Variants in COL6A6 observed in about 807,000 individuals in gnomAD.
COL6A6 encodes collagen type VI alpha 6 chain.
In COL6A6, 183 loss-of-function variants were observed where a neutral mutation model predicts 208.6. That is an observed-to-expected ratio of 0.88 (90% CI 0.78 to 0.99). The LOEUF is 0.99. Ranked by LOEUF, COL6A6 falls within the 50% of genes least tolerant of loss-of-function variation. The pLI is 0.00. For synonymous variants in COL6A6, 973 were observed against 1,011.8 expected, an observed-to-expected ratio of 0.96 and a Z score of 0.73; for missense variants, 2,816 against 2,815.2, an observed-to-expected ratio of 1.00 and a Z score of -0.01.
chr3:130,604,333 A>G (rs1184826540), intron 20 of COL6A6, among the ~76,000 whole-genome samples: 2 of 152,012 alleles, frequency 1.3e-5, no homozygotes, highest in African/African-American at 4.8e-5. Flanking sequence ...CTCTACTAAA[A>G]ATACAAAAAA....
At chr3:130,546,645 G>A (rs112792972) in intron 1 of COL6A6, among the ~76,000 whole-genome samples, 1,891 of 152,308 alleles carry the variant, frequency 0.012, 30 homozygotes, top group African/African-American at 0.043. Context: ...ACAGGGTGCT[G>A]ATTGGTGCAT....
Position 130,610,687 on chromosome 3 carries a change from A to T in COL6A6, c.4791A>T (p.Gly1597=). 6.3e-7 allele frequency: 1 copy of T among 1,591,352 alleles called. No homozygotes were observed. Among genetic ancestry groups the T allele is most frequent in the Non-Finnish European group, 8.6e-7 (1 of 1,168,134 alleles). Reference sequence around the variant, plus strand: ...AGGCTGGTGTGAAAGGAGAAAAAGGAGGTGTGGGAAGTAAAGGTCCCCAGG... The same window carrying T: ...AGGCTGGTGTGAAAGGAGAAAAAGGTGGTGTGGGAAGTAAAGGTCCCCAGG... ...RGEAGVKGEK[G]GVGSKGPQGP... Residue 1597 remains glycine, a synonymous_variant, in exon 23 of 37, where the codon GGA becomes GGT. Transcript: ENST00000358511.
Position 130,574,145 on chromosome 3 carries a change from C to G in COL6A6, c.3167C>G (p.Thr1056Ser), listed in dbSNP as rs2063236494. 2 of 1,613,976 alleles carry G rather than the reference C, an allele frequency of 1.2e-6. No homozygotes were observed. Residue 1056 changes from threonine to serine, a missense_variant, in exon 8 of 37, where the codon ACT (threonine) becomes AGT (serine). Transcript: ENST00000358511. ...TATCACCCGGAGTTTCCACTGGGAA[C>G]TTTCATAGGTGAAAAAGAGATATCA... ...DTYHPEFPLGTFIGEKEISFQ... is the reference protein window; with the variant it reads ...DTYHPEFPLGSFIGEKEISFQ...
At chr3:130,622,951 G>A (rs989349194) in intron 24 of COL6A6, among the ~76,000 whole-genome samples, 2 of 152,030 alleles carry the variant, frequency 1.3e-5, no homozygotes, top group African/African-American at 4.8e-5. Flanking sequence ...AGAAAAAGCG[G>A]TGTGAAGGAA....
chr3:130,563,337 C>T lies in COL6A6; in HGVS notation c.334C>T (p.Gln112Ter), dbSNP rs2062938697. 3 of 1,613,966 alleles carry T rather than the reference C, an allele frequency of 1.9e-6. No individual in the cohort carries two copies. The highest frequency in any genetic ancestry group is 4.5e-5 in the East Asian group (2 of 44,882). The change falls in exon 3 of 37, where the codon CAG becomes TAG. Residue 112 changes from glutamine to a stop codon, truncating the protein, a stop_gained. Coordinates refer to ENST00000358511, the MANE Select transcript of COL6A6 (RefSeq NM_001102608.3). LOFTEE classifies it high-confidence loss of function. ...GGSLQIGKAL[Q>*]EAHRTYFSAP... ...GTCCCTGCAGATAGGAAAGGCTCTT[C>T]AGGAGGCTCACAGGACTTATTTCTC...
At chr3:130,516,760 ACT>A (rs1018311157), upstream of COL6A6, among the ~76,000 whole-genome samples, 1 of 151,594 alleles carries the variant, frequency 6.6e-6, no homozygotes, top group Non-Finnish European at 1.5e-5. Context: ...CAACCCAAAG[ACT>A]CTCTCTGGCT....
intron 12 of COL6A6, 128 bp downstream of exon 12, chr3:130,589,310 C>G: frequency 1.7e-6 from 1 of 580,532 alleles, no homozygotes; most frequent in Non-Finnish European, 3.0e-6. Flanking sequence ...TTATTATACT[C>G]CTCTTTTTAT....
chr3:130,599,660 A>T lies in COL6A6; in HGVS notation c.4600-97A>T, dbSNP rs535167135. The T allele has an allele frequency of 9.0e-6, 11 of 1,216,480 alleles. No individual in the cohort carries two copies. In the Admixed American group the frequency reaches 1.7e-4, roughly 18 times the overall value. The allele number at this position is 1,216,480 out of a possible 1,614,324, so 75.4% of individuals were successfully genotyped here. A position where few individuals can be genotyped will look rare whatever the true frequency, so the allele number is the denominator to read the frequency against. On this transcript the variant is annotated intron_variant, in intron 19 of 36. Transcript: ENST00000358511. ...AAGGTAACTCTCTCATTGGTGTGTGAACCTATCTATCCTCCCTGGAGTAAA... is the reference window on the plus strand; with the variant it reads ...AAGGTAACTCTCTCATTGGTGTGTGTACCTATCTATCCTCCCTGGAGTAAA...
chr3:130,582,143 T>C (rs2108007176), intron 10 of COL6A6, 75 bp downstream of exon 10: 1 of 931,442 alleles, frequency 1.1e-6, no homozygotes, highest in Non-Finnish European at 1.6e-6. Flanking sequence ...GGCTCTTAAA[T>C]TTCCAGGCTC....
chr3:130,671,716 A>G (rs773453959), intron 36 of COL6A6, among the ~76,000 whole-genome samples: 58 of 152,244 alleles, frequency 3.8e-4, no homozygotes, highest in Non-Finnish European at 7.9e-4. Flanking sequence ...GAATTAGGTC[A>G]TTCTGTGAGA....
rs138419811 is a variant in COL6A6, at chr3:130,594,190, T to A, written c.4471-91T>A. On this transcript the variant is annotated intron_variant, in intron 17 of 36. Transcript: ENST00000358511. Reference sequence around the variant, plus strand: ...ATAGCCTTTGTAGAAAAATATTTAATTATTCACACCAGGGAGAAGAAAAGC... The same window carrying A: ...ATAGCCTTTGTAGAAAAATATTTAAATATTCACACCAGGGAGAAGAAAAGC... The A allele has an allele frequency of 4.0e-6, 4 of 989,930 alleles. No homozygotes were observed. The Admixed American group carries it at 9.6e-5, about 24-fold the overall frequency. 61.3% of individuals were successfully genotyped at this position (989,930 alleles called of 1,614,324 possible).
chr3:130,558,835 T>C (rs913441865), intron 1 of COL6A6, among the ~76,000 whole-genome samples: 3 of 152,200 alleles, frequency 2.0e-5, no homozygotes, highest in Non-Finnish European at 4.4e-5. Context: ...AAAAAAGATG[T>C]AGAATGAAGA....
At position 130,574,438 on chromosome 3, in the gene COL6A6, A is replaced by G; in HGVS notation, c.3460A>G (p.Lys1154Glu). ...QLIQITGTAE[K>E]KLTVHNFDEL... Reference sequence around the variant, plus strand: ...CATTCAGATCACCGGGACTGCAGAGAAAAAACTGACAGTGCACAACTTCGA... The same window carrying G: ...CATTCAGATCACCGGGACTGCAGAGGAAAAACTGACAGTGCACAACTTCGA... The change falls in exon 8 of 37, where the codon AAA becomes GAA. Residue 1154 changes from lysine (K) to glutamate (E), a missense_variant. Coordinates refer to ENST00000358511, the MANE Select transcript of COL6A6 (RefSeq NM_001102608.3). 6.2e-7 allele frequency: 1 copy of G among 1,614,044 alleles called. No individual in the cohort carries two copies.
At chr3:130,545,269 T>C (rs2062463219) in intron 1 of COL6A6, among the ~76,000 whole-genome samples, 1 of 152,234 alleles carries the variant, frequency 6.6e-6, no homozygotes, top group Admixed American at 6.5e-5. Flanking sequence ...CACTATTTAT[T>C]GAAGAGACTA....
At position 130,567,077 on chromosome 3, in the gene COL6A6, TCTTGGAG is replaced by T; in HGVS notation, c.1660_1666del (p.Glu555GlnfsTer4). Reference sequence around the variant, plus strand: ...ACAAATGGCATGTCCAAGGATAGCATCTTGGAGCCTGCAAACAGACTGAGAGAAGAGC... The same window carrying T: ...ACAAATGGCATGTCCAAGGATAGCATCCTGCAAACAGACTGAGAGAAGAGC... On this transcript the variant is annotated frameshift_variant, in exon 5 of 37. Coordinates refer to ENST00000358511, the MANE Select transcript of COL6A6 (RefSeq NM_001102608.3). LOFTEE classifies it high-confidence loss of function. 1.2e-6 allele frequency: 2 copies of T among 1,613,986 alleles called. No individual in the cohort carries two copies. The highest frequency in any genetic ancestry group is 1.7e-6 in the Non-Finnish European group (2 of 1,179,880).
intron 33 of COL6A6, among the ~76,000 whole-genome samples, chr3:130,657,625 G>A (rs1222218723): frequency 2.0e-5 from 3 of 152,188 alleles, no homozygotes; most frequent in Non-Finnish European, 4.4e-5. Flanking sequence ...CAGTTAGTAC[G>A]TACTAAGTTA....
chr3:130,568,672 T>C lies in COL6A6; in HGVS notation c.2401+68T>C. ...GATGTCTTTTTTAGCCTCTATTTCTTGAATTTAATTCTATTTACATATTGT... is the reference window on the plus strand; with the variant it reads ...GATGTCTTTTTTAGCCTCTATTTCTCGAATTTAATTCTATTTACATATTGT... On this transcript the variant is annotated intron_variant, in intron 6 of 36. Coordinates refer to ENST00000358511, the MANE Select transcript of COL6A6 (RefSeq NM_001102608.3). 3.0e-6 allele frequency: 4 copies of C among 1,338,580 alleles called. No individual in the cohort carries two copies. The South Asian group carries it at 4.3e-5, about 14-fold the overall frequency. The allele number at this position is 1,338,580 out of a possible 1,614,324, so 82.9% of individuals were successfully genotyped here. A position where few individuals can be genotyped will look rare whatever the true frequency, so the allele number is the denominator to read the frequency against.
rs961639148 is a variant in COL6A6 at position 130,622,847 on chromosome 3, ACT to A, written c.4878+967_4878+968del. Among the ~76,000 whole-genome samples the A allele has an allele frequency of 4.9e-4, 75 of 152,036 alleles. 1 individual carries two copies. The highest frequency in any genetic ancestry group is 1.5e-3 in the African/African-American group (62 of 41,476). ...ACTCCAGCCTGGGCGACAGAGCGAG[ACT>A]CTGTCTCAAAGAAAAGAAAATACAG... On this transcript the variant is annotated intron_variant, in intron 24 of 36. Coordinates refer to ENST00000358511, the MANE Select transcript of COL6A6 (RefSeq NM_001102608.3).
chr3:130,667,490 C>T (rs1213312284), intron 36 of COL6A6, among the ~76,000 whole-genome samples: 2 of 152,190 alleles, frequency 1.3e-5, no homozygotes, highest in Non-Finnish European at 2.9e-5. Context: ...CCACCCGCCT[C>T]AGCCTCCCAA....
Sources: allele counts gnomAD v4.1 joint callset (sites outside exome capture counted in the v4.1 genomes callset), GRCh38; gene constraint gnomAD v4.1.1; transcripts MANE v1.5; gene names NCBI Gene and HGNC (gene_info 2026-07-23, HGNC 2026-07-21).